The following PDE4B variants were observed in gnomAD, a reference collection of about 807,000 sequenced individuals.
The protein encoded by PDE4B is 3',5'-cyclic-AMP phosphodiesterase 4B.
Under a neutral mutation model 82.2 loss-of-function variants are expected in PDE4B, and 20 were observed. The ratio of observed to expected loss-of-function variants is 0.24; its 90% CI spans 0.17 to 0.35. The LOEUF (loss-of-function observed/expected upper bound fraction) is 0.35. Among genes scored for constraint, PDE4B ranks in the 10% least tolerant of loss-of-function variants. PDE4B has a pLI of 1.00. For synonymous variants in PDE4B, 320 were observed against 318.9 expected (o/e 1.00, Z -0.04); for missense variants, 655 against 907.2 (o/e 0.72, Z 3.57).
At chr1:66,101,139 T>C (rs974636749) in intron 3 of PDE4B, among the ~76,000 whole-genome samples, 2 of 152,178 alleles carry the variant, frequency 1.3e-5, no homozygotes, top group African/African-American at 2.4e-5. Flanking sequence ...GCTTCATCCA[T>C]CTTCCTAGAA....
chr1:66,006,989 C>T lies in PDE4B; in HGVS notation c.281+88154C>T, dbSNP rs116137679. ...AAAATTAAAAAAATAATAAATTAGC[C>T]AGGCATAGTGGCAAGTGCTTGTAGT... On this transcript the variant is annotated intron_variant, in intron 3 of 16. Coordinates refer to ENST00000341517, the MANE Select transcript of PDE4B (RefSeq NM_002600.4). Among the ~76,000 whole-genome samples, 451 of 152,116 alleles carry T rather than the reference C, an allele frequency of 3.0e-3. 3 individuals carry two copies. The highest frequency in any genetic ancestry group is 0.01 in the African/African-American group (424 of 41,492).
intron 4 of PDE4B, among the ~76,000 whole-genome samples, chr1:66,253,931 A>G (rs1201098523): frequency 6.6e-6 from 1 of 152,232 alleles, no homozygotes; most frequent in African/African-American, 2.4e-5. Context: ...TGATAAAGTC[A>G]TGTTGACATT....
chr1:65,839,431 C>A (rs2101337178), intron 1 of PDE4B, among the ~76,000 whole-genome samples: 1 of 152,138 alleles, frequency 6.6e-6, no homozygotes, highest in Middle Eastern at 3.4e-3. Context: ...CCCTCCACAC[C>A]CTGACAGGCC....
At chr1:65,870,999 G>A (rs935421329) in intron 1 of PDE4B, among the ~76,000 whole-genome samples, 17 of 152,138 alleles carry the variant, frequency 1.1e-4, no homozygotes, top group Admixed American at 1.1e-3. Context: ...TCTAAGGGCA[G>A]CACTTCAGCC....
intron 3 of PDE4B, among the ~76,000 whole-genome samples, chr1:65,983,376 C>T (rs968599289): frequency 2.0e-5 from 3 of 152,054 alleles, no homozygotes; most frequent in African/African-American, 7.2e-5. Context: ...CAGACAACGA[C>T]ATGAATTTTT....
At chr1:65,836,770 T>C (rs1039178713) in intron 1 of PDE4B, among the ~76,000 whole-genome samples, 2 of 152,232 alleles carry the variant, frequency 1.3e-5, no homozygotes, top group Non-Finnish European at 1.5e-5. Flanking sequence ...TCTTACTCTC[T>C]ATTTTAGAGA....
At chr1:66,089,899 C>T (rs1465472517) in intron 3 of PDE4B, among the ~76,000 whole-genome samples, 2 of 151,922 alleles carry the variant, frequency 1.3e-5, no homozygotes, top group African/African-American at 4.8e-5. Context: ...TACTATCCAC[C>T]TTATTTAAAA....
At chr1:66,020,013 G>A (rs1320906692) in intron 3 of PDE4B, among the ~76,000 whole-genome samples, 1 of 152,216 alleles carries the variant, frequency 6.6e-6, no homozygotes, top group Non-Finnish European at 1.5e-5. Context: ...GTATGAGACT[G>A]TGTACATAGA....
At chr1:65,929,284 C>T (rs1192376197) in intron 3 of PDE4B, among the ~76,000 whole-genome samples, 2 of 152,098 alleles carry the variant, frequency 1.3e-5, no homozygotes, top group African/African-American at 2.4e-5. Flanking sequence ...CAGCATGGGT[C>T]GGGGAGGGGA....
At chr1:66,185,672 C>G (rs771179353) in intron 3 of PDE4B, among the ~76,000 whole-genome samples, 6 of 152,186 alleles carry the variant, frequency 3.9e-5, no homozygotes, top group Non-Finnish European at 7.3e-5. Context: ...TCTTCGCCCA[C>G]TGGTTGATGG....
At chr1:66,107,391 T>C (rs746787156) in intron 3 of PDE4B, among the ~76,000 whole-genome samples, 2 of 151,970 alleles carry the variant, frequency 1.3e-5, no homozygotes, top group Non-Finnish European at 2.9e-5. Context: ...GGGTTGTTGA[T>C]GTCAACCCAT....
intron 6 of PDE4B, among the ~76,000 whole-genome samples, chr1:66,259,453 T>G (rs1654513806): frequency 6.6e-6 from 1 of 152,214 alleles, no homozygotes; most frequent in African/African-American, 2.4e-5. Context: ...ATTATGGACT[T>G]ACTGTTCTTT....
intron 3 of PDE4B, among the ~76,000 whole-genome samples, chr1:65,964,750 G>T (rs887659191): frequency 7.9e-5 from 12 of 152,232 alleles, no homozygotes; most frequent in Non-Finnish European, 1.0e-4. Context: ...AATATTTGCT[G>T]CTGTGAAAAG....
At chr1:66,323,253 C>G (rs1659531434) in intron 7 of PDE4B, among the ~76,000 whole-genome samples, 1 of 152,100 alleles carries the variant, frequency 6.6e-6, no homozygotes, top group Non-Finnish European at 1.5e-5. Context: ...TGATGTTCCC[C>G]TTGCCTGGAA....
chr1:66,288,319 C>G (rs956612246), intron 7 of PDE4B, among the ~76,000 whole-genome samples: 1 of 152,054 alleles, frequency 6.6e-6, no homozygotes, highest in African/African-American at 2.4e-5. Context: ...GATGAGAAAA[C>G]CAACCACATG....
intron 3 of PDE4B, among the ~76,000 whole-genome samples, chr1:66,182,988 T>C (rs1339063814): frequency 6.6e-6 from 1 of 152,242 alleles, no homozygotes; most frequent in Non-Finnish European, 1.5e-5. Flanking sequence ...GAGCCACATT[T>C]GTCCAAAGTT....
chr1:66,208,884 T>C (rs1649789459), intron 3 of PDE4B, among the ~76,000 whole-genome samples: 1 of 152,208 alleles, frequency 6.6e-6, no homozygotes, highest in East Asian at 1.9e-4. Flanking sequence ...TTGTATACAC[T>C]CCCATTTACA....
chr1:65,966,845 T>G (rs992482676), intron 3 of PDE4B, among the ~76,000 whole-genome samples: 4 of 152,174 alleles, frequency 2.6e-5, no homozygotes, highest in African/African-American at 9.7e-5. Flanking sequence ...TGGAGAAAGC[T>G]GAAACTGGAT....
At chr1:65,945,630 G>A (rs1013622121) in intron 3 of PDE4B, among the ~76,000 whole-genome samples, 1 of 151,988 alleles carries the variant, frequency 6.6e-6, no homozygotes. Flanking sequence ...CAGCTTTGAA[G>A]AGATGGAGCC....
Sources: gnomAD v4.1 joint callset for allele counts (sites outside exome capture counted in the v4.1 genomes callset) on GRCh38, gnomAD v4.1.1 for gene constraint, MANE v1.5 for transcripts, NCBI Gene and HGNC (gene_info 2026-07-23, HGNC 2026-07-21) for gene names.